The following REC114 variants were observed in gnomAD, a reference collection of about 807,000 sequenced individuals.
REC114 encodes the protein meiotic recombination protein REC114.
A neutral mutation model predicts 31.3 loss-of-function variants in REC114; 27 were observed. The observed-to-expected ratio is 0.86, with a 90% CI of 0.64 to 1.19. The LOEUF (loss-of-function observed/expected upper bound fraction) is 1.19. Ranked by LOEUF, REC114 falls within the 50% of genes most tolerant of loss-of-function variation. REC114 has a pLI of 0.00. For missense variants in REC114, 344 were observed against 326.9 expected (o/e 1.05, Z -0.40); for synonymous variants, 134 against 127.7 (o/e 1.05, Z -0.33).
intron 5 of REC114, 114 bp downstream of exon 5, chr15:73,556,505 C>A (rs1044756764): frequency 1.1e-6 from 1 of 871,084 alleles, no homozygotes; most frequent in Non-Finnish European, 1.7e-6. Context: ...AAGCATTACT[C>A]TAAAAGGTGA....
intron 1 of REC114, among the ~76,000 whole-genome samples, chr15:73,448,311 G>A (rs1195161840): frequency 1.3e-5 from 2 of 152,114 alleles, no homozygotes; most frequent in East Asian, 3.9e-4. Context: ...ATCTTGGTGG[G>A]GGGAAGGGCA....
In REC114 at chr15:73,505,783, C is replaced by T. The variant is rs546566075; in HGVS notation, c.249+31862C>T. On this transcript the variant is annotated intron_variant, in intron 2 of 5. Transcript: ENST00000331090. Reference sequence around the variant, plus strand: ...TCCTGACCTCGTGATCCGCCTGCCTCGGCCTCCCAAAGTGCTGGGATTACA... The same window carrying T: ...TCCTGACCTCGTGATCCGCCTGCCTTGGCCTCCCAAAGTGCTGGGATTACA... Among the ~76,000 whole-genome samples the T allele has an allele frequency of 3.5e-3, 529 of 152,242 alleles. 4 individuals carry two copies. The highest frequency in any genetic ancestry group is 0.012 in the African/African-American group (514 of 41,560).
chr15:73,448,322 TC>T (rs892045366), intron 1 of REC114, among the ~76,000 whole-genome samples: 1 of 152,060 alleles, frequency 6.6e-6, no homozygotes, highest in Admixed American at 6.6e-5. Context: ...GGGAAGGGCA[TC>T]CGCCATTGCT....
chr15:73,458,684 G>A (rs1368749460), intron 1 of REC114, among the ~76,000 whole-genome samples: 1 of 152,202 alleles, frequency 6.6e-6, no homozygotes, highest in African/African-American at 2.4e-5. Flanking sequence ...CAGTATCCTA[G>A]ACAGCTTGTG....
intron 2 of REC114, among the ~76,000 whole-genome samples, chr15:73,513,445 C>A (rs1012202846): frequency 2.7e-5 from 4 of 148,644 alleles, no homozygotes; most frequent in South Asian, 2.2e-4. Context: ...TCTCTCAGCT[C>A]GTCAAAGTCA....
intron 1 of REC114, among the ~76,000 whole-genome samples, chr15:73,471,770 C>T (rs1408812527): frequency 2.6e-5 from 4 of 151,636 alleles, no homozygotes; most frequent in Non-Finnish European, 2.9e-5. Flanking sequence ...GAAAAAATAC[C>T]CATCAGCAAA....
intron 2 of REC114, among the ~76,000 whole-genome samples, chr15:73,480,482 T>C (rs537522295): frequency 3.2e-4 from 48 of 152,254 alleles, no homozygotes; most frequent in African/African-American, 1.2e-3. Context: ...ATTTAAAATA[T>C]ATTTTGCCCC....
intron 2 of REC114, among the ~76,000 whole-genome samples, chr15:73,475,699 T>G (rs1337134268): frequency 2.6e-5 from 4 of 152,166 alleles, no homozygotes; most frequent in African/African-American, 9.7e-5. Context: ...TAAAATAAAT[T>G]TATTTATAAA....
chr15:73,454,774 A>G (rs1321010705), intron 1 of REC114, among the ~76,000 whole-genome samples: 1 of 152,196 alleles, frequency 6.6e-6, no homozygotes, highest in African/African-American at 2.4e-5. Context: ...ATACCTTCTC[A>G]TAAAACACTT....
At chr15:73,502,257 G>GA (rs1050223479) in intron 2 of REC114, among the ~76,000 whole-genome samples, 4 of 150,600 alleles carry the variant, frequency 2.7e-5, no homozygotes, top group Admixed American at 6.6e-5. Context: ...ACATCTTATA[G>GA]AAAAAAAAAT....
Position 73,526,223 on chromosome 15 carries a change from A to G in REC114, c.250-14262A>G, listed in dbSNP as rs117880318. 5.2e-3 allele frequency among the ~76,000 whole-genome samples: 795 copies of G among 152,144 alleles called. 6 individuals carry two copies. The highest frequency in any genetic ancestry group is 0.016 in the South Asian group (79 of 4,818). ...ATCTGTTTCTTTACATTCAAAATGAATTTTTTCTAGATAGAATATCGTCTG... is the reference window on the plus strand; with the variant it reads ...ATCTGTTTCTTTACATTCAAAATGAGTTTTTTCTAGATAGAATATCGTCTG... On this transcript the variant is annotated intron_variant, in intron 2 of 5. Transcript: ENST00000331090.
At chr15:73,485,261 T>C (rs535755891) in intron 2 of REC114, among the ~76,000 whole-genome samples, 1 of 152,162 alleles carries the variant, frequency 6.6e-6, no homozygotes, top group South Asian at 2.1e-4. Flanking sequence ...GTTTTGTATT[T>C]TTAGTAGAGA....
chr15:73,493,344 C>G (rs1893472334), intron 2 of REC114, among the ~76,000 whole-genome samples: 1 of 152,122 alleles, frequency 6.6e-6, no homozygotes, highest in Non-Finnish European at 1.5e-5. Context: ...TTCAAAGAAT[C>G]TGCATTTTTC....
intron 4 of REC114, 76 bp downstream of exon 4, chr15:73,551,226 A>C: frequency 7.4e-7 from 1 of 1,352,372 alleles, no homozygotes; most frequent in Admixed American, 2.0e-5. Flanking sequence ...ATGACAGTGG[A>C]GTTTGTCAAG....
intron 2 of REC114, among the ~76,000 whole-genome samples, chr15:73,486,240 G>GGCAC (rs1226067395): frequency 6.6e-6 from 1 of 152,162 alleles, no homozygotes; most frequent in African/African-American, 2.4e-5. Context: ...TGGGATTGCA[G>GGCAC]GCACGCACCA....
chr15:73,529,497 G>C (rs550327894), intron 2 of REC114, among the ~76,000 whole-genome samples: 9 of 152,188 alleles, frequency 5.9e-5, no homozygotes, highest in Admixed American at 2.6e-4. Context: ...ATTTGCTTCA[G>C]AATAATCCAG....
At chr15:73,535,529 T>G (rs376880304) in intron 2 of REC114, among the ~76,000 whole-genome samples, 1 of 149,838 alleles carries the variant, frequency 6.7e-6, no homozygotes, top group Non-Finnish European at 1.5e-5. Context: ...TAAAAGAGGA[T>G]ACAAACAAAT....
intron 2 of REC114, among the ~76,000 whole-genome samples, chr15:73,515,846 T>C (rs889607170): frequency 3.9e-5 from 6 of 152,244 alleles, no homozygotes; most frequent in African/African-American, 1.4e-4. Context: ...GTATTTGTTA[T>C]GGCAGCTTCA....
chr15:73,534,750 C>G, intron 2 of REC114, among the ~76,000 whole-genome samples: 1 of 152,008 alleles, frequency 6.6e-6, no homozygotes, highest in Non-Finnish European at 1.5e-5. Context: ...AGACCAATAT[C>G]TTTGATGAAC....
Sources: allele counts gnomAD v4.1 joint callset (sites outside exome capture counted in the v4.1 genomes callset), GRCh38; gene constraint gnomAD v4.1.1; transcripts MANE v1.5; gene names NCBI Gene and HGNC (gene_info 2026-07-23, HGNC 2026-07-21).